The following SH3GL2 variants were observed in gnomAD, a reference collection of about 807,000 sequenced individuals.
SH3GL2 encodes the protein SH3 domain containing GRB2 like 2, endophilin A1.
In SH3GL2, 24 loss-of-function variants were observed where a neutral mutation model predicts 46.0. The ratio of observed to expected loss-of-function variants is 0.52; its 90% CI spans 0.38 to 0.73. The LOEUF (loss-of-function observed/expected upper bound fraction) is 0.73, where lower values mean the gene tolerates loss of function less well. Ranked by LOEUF, SH3GL2 falls within the 30% of genes least tolerant of loss-of-function variation. The pLI is 0.00. For missense variants in SH3GL2, 413 were observed against 424.2 expected, an observed-to-expected ratio of 0.97 and a Z score of 0.23; for synonymous variants, 196 against 147.1, an observed-to-expected ratio of 1.33 and a Z score of -2.40.
chr9:17,772,151 CAT>C (rs1232878577), intron 3 of SH3GL2, among the ~76,000 whole-genome samples: 2 of 152,138 alleles, frequency 1.3e-5, no homozygotes, highest in Non-Finnish European at 2.9e-5. Context: ...GCAATAATCA[CAT>C]GTTGCCAAAA....
intron 1 of SH3GL2, among the ~76,000 whole-genome samples, chr9:17,628,448 GTGTGTA>G (rs1554631868): frequency 1.4e-5 from 2 of 139,938 alleles, no homozygotes; most frequent in East Asian, 4.2e-4. Flanking sequence ...GTGTGTGTGT[GTGTGTA>G]TGTGCATGCA....
chr9:17,688,337 G>GA (rs1031630938), intron 1 of SH3GL2, among the ~76,000 whole-genome samples: 3 of 151,778 alleles, frequency 2.0e-5, no homozygotes, highest in Non-Finnish European at 2.9e-5. Context: ...GATCAACGGT[G>GA]AAAAAAAATG....
At chr9:17,721,660 C>T (rs1350453350) in intron 1 of SH3GL2, among the ~76,000 whole-genome samples, 1 of 152,040 alleles carries the variant, frequency 6.6e-6, no homozygotes, top group East Asian at 1.9e-4. Flanking sequence ...TATGCATGCA[C>T]TTACCATACA....
At chr9:17,674,926 G>C (rs1218693496) in intron 1 of SH3GL2, among the ~76,000 whole-genome samples, 2 of 152,142 alleles carry the variant, frequency 1.3e-5, no homozygotes, top group Admixed American at 6.5e-5. Flanking sequence ...CAAGTGACCA[G>C]ACCAGCCCAG....
intron 1 of SH3GL2, among the ~76,000 whole-genome samples, chr9:17,658,173 G>C (rs1238329868): frequency 6.6e-6 from 1 of 152,188 alleles, no homozygotes; most frequent in African/African-American, 2.4e-5. Flanking sequence ...CAGTGATTAA[G>C]ATGCTGCCTT....
In SH3GL2 at chr9:17,612,842, C is replaced by A. The variant is rs140728873; in HGVS notation, c.45+33555C>A. On this transcript the variant is annotated intron_variant, in intron 1 of 8. Coordinates refer to ENST00000380607, the MANE Select transcript of SH3GL2 (RefSeq NM_003026.5). Reference sequence around the variant, plus strand: ...AGTCACTCACCATTTTTCCACAGTGCCTACCTTGCTTCCGAGAAGCCCCTG... The same window carrying A: ...AGTCACTCACCATTTTTCCACAGTGACTACCTTGCTTCCGAGAAGCCCCTG... 4.5e-3 allele frequency among the ~76,000 whole-genome samples: 679 copies of A among 152,282 alleles called. 9 individuals carry two copies. Among genetic ancestry groups the A allele is most frequent in the African/African-American group, 0.015 (639 of 41,536 alleles).
intron 2 of SH3GL2, among the ~76,000 whole-genome samples, chr9:17,751,829 G>A (rs1157005011): frequency 6.6e-6 from 1 of 151,966 alleles, no homozygotes; most frequent in African/African-American, 2.4e-5. Context: ...AAAGGAGGAG[G>A]CGTGGAGCAT....
chr9:17,583,677 G>C (rs1818319136), intron 1 of SH3GL2, among the ~76,000 whole-genome samples: 1 of 152,110 alleles, frequency 6.6e-6, no homozygotes, highest in Non-Finnish European at 1.5e-5. Context: ...AAATTAATTT[G>C]GGTAGGCTGG....
chr9:17,729,097 G>A lies in SH3GL2; in HGVS notation c.46-17969G>A, dbSNP rs78387339. On this transcript the variant is annotated intron_variant, in intron 1 of 8. Transcript: ENST00000380607. ...ATACTCCAACTAACAGTGTAAAAGT[G>A]TTCTTGTTTCTCCATATCCTCTCCA... is the stretch of plus-strand genomic sequence containing the variant. Among the ~76,000 whole-genome samples the A allele has an allele frequency of 2.0e-5, 3 of 152,238 alleles. No homozygotes were observed. The East Asian group carries it at 5.8e-4, about 29-fold the overall frequency.
intron 1 of SH3GL2, among the ~76,000 whole-genome samples, chr9:17,588,894 C>CCCCA (rs1188898424): frequency 2.0e-5 from 3 of 152,212 alleles, no homozygotes; most frequent in Non-Finnish European, 4.4e-5. Context: ...GAACTTGTAA[C>CCCCA]ATGGCCCCTC....
chr9:17,788,187 C>T (rs1332062316), intron 5 of SH3GL2, among the ~76,000 whole-genome samples: 1 of 152,074 alleles, frequency 6.6e-6, no homozygotes, highest in African/African-American at 2.4e-5. Flanking sequence ...ACTAGGGCCT[C>T]CTCCTCCTTA....
At chr9:17,641,383 A>G (rs921440470) in intron 1 of SH3GL2, among the ~76,000 whole-genome samples, 1 of 152,194 alleles carries the variant, frequency 6.6e-6, no homozygotes, top group Non-Finnish European at 1.5e-5. Flanking sequence ...AAATTCTGCT[A>G]TAAAAAGAAA....
intron 1 of SH3GL2, among the ~76,000 whole-genome samples, chr9:17,685,229 T>G (rs532234260): frequency 6.6e-6 from 1 of 152,198 alleles, no homozygotes; most frequent in East Asian, 1.9e-4. Flanking sequence ...AACTGACAAG[T>G]GCAAAATTCA....
intron 3 of SH3GL2, among the ~76,000 whole-genome samples, chr9:17,781,965 C>G (rs969337717): frequency 6.6e-6 from 1 of 152,144 alleles, no homozygotes; most frequent in Non-Finnish European, 1.5e-5. Flanking sequence ...GACTCTCCAC[C>G]TGGATAATAA....
chr9:17,761,035 T>A (rs1158003417), intron 2 of SH3GL2, among the ~76,000 whole-genome samples: 2 of 152,210 alleles, frequency 1.3e-5, no homozygotes, highest in Admixed American at 6.5e-5. Flanking sequence ...GCTCCCCACT[T>A]CTTGAATAAG....
rs1049134114 is a variant in SH3GL2 at position 17,697,432 on chromosome 9, C to T, written c.46-49634C>T. 5.9e-5 allele frequency among the ~76,000 whole-genome samples: 9 copies of T among 151,972 alleles called. No homozygotes were observed. The South Asian group carries it at 6.2e-4, about 11-fold the overall frequency. On this transcript the variant is annotated intron_variant, in intron 1 of 8. Coordinates refer to ENST00000380607, the MANE Select transcript of SH3GL2 (RefSeq NM_003026.5). Reference sequence around the variant, plus strand: ...AGAGACAGGGTTTCACCATGCTGGTCAGGCTGATCTCCAACTCCTGACCTC... The same window carrying T: ...AGAGACAGGGTTTCACCATGCTGGTTAGGCTGATCTCCAACTCCTGACCTC...
chr9:17,793,492 C>G lies in SH3GL2; in HGVS notation c.854C>G (p.Pro285Arg). 1 of 1,613,042 alleles carries G rather than the reference C, an allele frequency of 6.2e-7. No homozygotes were observed. Among genetic ancestry groups the G allele is most frequent in the Non-Finnish European group, 8.5e-7 (1 of 1,179,650 alleles). The change falls in exon 8 of 9, where the codon CCT becomes CGT. Residue 285 changes from proline to arginine, a missense_variant. By Grantham distance (103) the Pro-to-Arg change is moderately radical (BLOSUM62 -2). This residue lies in a region of SH3GL2 where 248 missense variants were observed against 215.0 expected (regional missense o/e 1.15). Coordinates refer to ENST00000380607, the MANE Select transcript of SH3GL2 (RefSeq NM_003026.5). ...CTCTCCCACACAGGCACTCCCAAAC[C>G]TTCAGGTAAGAGCTGAAACTGCAGA... ...GGLSHTGTPKPSGVQMDQPCC... is the reference protein window; with the variant it reads ...GGLSHTGTPKRSGVQMDQPCC...
At chr9:17,760,194 C>T (rs1434626304) in intron 2 of SH3GL2, among the ~76,000 whole-genome samples, 1 of 152,134 alleles carries the variant, frequency 6.6e-6, no homozygotes, top group Non-Finnish European at 1.5e-5. Context: ...TAGACAGGCA[C>T]ATTTGAAATT....
rs889286937 is a variant in SH3GL2, at chr9:17,796,252, A to G, written c.*509A>G. The G allele has an allele frequency of 2.6e-5, 4 of 153,636 alleles. No individual in the cohort carries two copies. The highest frequency in any genetic ancestry group is 7.2e-5 in the African/African-American group (3 of 41,582). The allele number at this position is 153,636 out of a possible 1,614,324, so 9.5% of individuals were successfully genotyped here. On this transcript the variant is annotated 3_prime_UTR_variant, in exon 9 of 9. Coordinates refer to ENST00000380607, the MANE Select transcript of SH3GL2 (RefSeq NM_003026.5). ...CTGATCTGAATGAATTTGTCTCTTA[A>G]TGCATCCATAGAAAAGTGTTAATTG...
Sources: allele counts gnomAD v4.1 joint callset (sites outside exome capture counted in the v4.1 genomes callset), GRCh38; gene constraint gnomAD v4.1.1; regional missense constraint gnomAD v4.1.1; transcripts MANE v1.5; gene names NCBI Gene and HGNC (gene_info 2026-07-23, HGNC 2026-07-21).